PRORP: variants seen among roughly 807,000 people sequenced by gnomAD.
PRORP encodes the protein mitochondrial ribonuclease P catalytic subunit.
Under a neutral mutation model 59.4 loss-of-function variants are expected in PRORP, and 51 were observed. The ratio of observed to expected loss-of-function variants is 0.86; its 90% confidence interval spans 0.69 to 1.08. The LOEUF is 1.08. Ranked by LOEUF, PRORP falls within the 50% of genes least tolerant of loss-of-function variation. PRORP has a pLI of 0.00. For missense variants in PRORP, 646 were observed against 690.3 expected, an observed-to-expected ratio of 0.94 and a Z score of 0.72; for synonymous variants, 231 against 245.6, an observed-to-expected ratio of 0.94 and a Z score of 0.55.
intron 4 of PRORP, 132 bp from the exon 5 acceptor site, chr14:35,180,538 G>C: frequency 1.6e-6 from 1 of 608,254 alleles, no homozygotes; most frequent in South Asian, 2.0e-5. Flanking sequence ...GTGTGTGTGT[G>C]TGTGTGTGTG....
At chr14:35,152,664 A>G (rs910018968) in intron 4 of PRORP, among the ~76,000 whole-genome samples, 9 of 150,120 alleles carry the variant, frequency 6.0e-5, no homozygotes, top group African/African-American at 2.2e-4. Context: ...GACGCTCCTC[A>G]CTTCCCAGAC....
At chr14:35,185,285 C>CT (rs1309008239) in intron 5 of PRORP, among the ~76,000 whole-genome samples, 2 of 152,056 alleles carry the variant, frequency 1.3e-5, no homozygotes, top group Non-Finnish European at 2.9e-5. Flanking sequence ...TGATATTGAG[C>CT]TTTTTTTCAT....
intron 5 of PRORP, among the ~76,000 whole-genome samples, chr14:35,225,796 C>T (rs2049918898): frequency 6.6e-6 from 1 of 151,930 alleles, no homozygotes; most frequent in South Asian, 2.1e-4. Flanking sequence ...CCTGTAAGCC[C>T]AGCACTTTGT....
chr14:35,185,280 T>C (rs1248925448), intron 5 of PRORP, among the ~76,000 whole-genome samples: 2 of 152,210 alleles, frequency 1.3e-5, no homozygotes. Flanking sequence ...ATCAGTGATA[T>C]TGAGCTTTTT....
At chr14:35,204,808 C>T (rs1426083501) in intron 5 of PRORP, among the ~76,000 whole-genome samples, 1 of 152,142 alleles carries the variant, frequency 6.6e-6, no homozygotes, top group Non-Finnish European at 1.5e-5. Flanking sequence ...AATATTAAGC[C>T]TTTATGGTAT....
In PRORP at chr14:35,131,860, A is replaced by T. The variant is rs77746491; in HGVS notation, c.1167+4249A>T. ...TCCTTTCTTTTTTTCTTTTTTTGAG[A>T]AGAAATCTCACTCTTGTCCCCTAGG... On this transcript the variant is annotated intron_variant, in intron 4 of 7. Coordinates refer to ENST00000534898, the MANE Select transcript of PRORP (RefSeq NM_014672.4). Among the ~76,000 whole-genome samples, 134 of 140,060 alleles carry T rather than the reference A, an allele frequency of 9.6e-4. 1 individual carries two copies. The highest frequency in any genetic ancestry group is 3.5e-3 in the African/African-American group (131 of 37,260). The allele number at this position is 140,060 out of a possible 152,430, so 91.9% of individuals were successfully genotyped here. A position where few individuals can be genotyped will look rare whatever the true frequency, so the allele number is the denominator to read the frequency against.
intron 4 of PRORP, among the ~76,000 whole-genome samples, chr14:35,168,116 C>A (rs1184674977): frequency 6.6e-6 from 1 of 152,118 alleles, no homozygotes; most frequent in Non-Finnish European, 1.5e-5. Flanking sequence ...TTTCTTACTT[C>A]TTCTGTGAAT....
At chr14:35,217,261 G>A (rs1029093842) in intron 5 of PRORP, among the ~76,000 whole-genome samples, 1 of 152,056 alleles carries the variant, frequency 6.6e-6, no homozygotes, top group African/African-American at 2.4e-5. Flanking sequence ...AGCACTTTGG[G>A]AGGCCAAGGT....
intron 5 of PRORP, among the ~76,000 whole-genome samples, chr14:35,241,193 C>T (rs1277612022): frequency 6.6e-6 from 1 of 152,116 alleles, no homozygotes; most frequent in Non-Finnish European, 1.5e-5. Context: ...GCCTGGCCAA[C>T]ATGGTGAAAC....
At chr14:35,272,659 TG>T (rs1255396339) in intron 7 of PRORP, among the ~76,000 whole-genome samples, 1 of 152,148 alleles carries the variant, frequency 6.6e-6, no homozygotes, top group African/African-American at 2.4e-5. Flanking sequence ...ATATCTGAGA[TG>T]GGAGGGCAGC....
intron 5 of PRORP, among the ~76,000 whole-genome samples, chr14:35,202,552 G>A (rs1161525793): frequency 6.6e-6 from 1 of 152,158 alleles, no homozygotes; most frequent in African/African-American, 2.4e-5. Context: ...TAAGCAATTA[G>A]TATAAACTTA....
intron 5 of PRORP, among the ~76,000 whole-genome samples, chr14:35,199,825 T>C (rs2049101927): frequency 6.6e-6 from 1 of 152,238 alleles, no homozygotes; most frequent in Non-Finnish European, 1.5e-5. Flanking sequence ...ACCTAGACTA[T>C]AAATAAGTAG....
At chr14:35,152,085 C>T (rs7143518) in intron 4 of PRORP, among the ~76,000 whole-genome samples, 10,700 of 152,100 alleles carry the variant, frequency 0.07, 506 homozygotes, top group Non-Finnish European at 0.11. Context: ...TGCGGCCCTC[C>T]GCAGTGTCTG....
chr14:35,263,720 C>T (rs982141440), intron 5 of PRORP, among the ~76,000 whole-genome samples: 1 of 152,044 alleles, frequency 6.6e-6, no homozygotes, highest in Admixed American at 6.6e-5. Flanking sequence ...TTGGGTACTC[C>T]GTTACTAAAG....
chr14:35,164,046 T>A (rs1425081942), intron 4 of PRORP, among the ~76,000 whole-genome samples: 1 of 152,214 alleles, frequency 6.6e-6, no homozygotes, highest in Non-Finnish European at 1.5e-5. Context: ...CCATTGCTTG[T>A]TTTTGTTGGC....
At chr14:35,238,886 T>C (rs2050287502) in intron 5 of PRORP, among the ~76,000 whole-genome samples, 1 of 152,228 alleles carries the variant, frequency 6.6e-6, no homozygotes, top group Non-Finnish European at 1.5e-5. Flanking sequence ...ATTGTGCTTT[T>C]ACAGCCTAAC....
At chr14:35,225,980 G>C (rs1186312570) in intron 5 of PRORP, among the ~76,000 whole-genome samples, 1 of 152,174 alleles carries the variant, frequency 6.6e-6, no homozygotes, top group Non-Finnish European at 1.5e-5. Flanking sequence ...GTAACTCTAA[G>C]TTTTCACTAG....
chr14:35,225,082 C>A (rs1016248426), intron 5 of PRORP, among the ~76,000 whole-genome samples: 3 of 152,092 alleles, frequency 2.0e-5, no homozygotes, highest in Non-Finnish European at 2.9e-5. Flanking sequence ...AAATTTTTTT[C>A]CATGTTTGCA....
chr14:35,235,228 G>A, intron 5 of PRORP: 1 of 725,200 alleles, frequency 1.4e-6, no homozygotes, highest in South Asian at 1.3e-5. Context: ...GCTTGGTGAT[G>A]CGAGCCACAG....
Sources: allele counts gnomAD v4.1 joint callset (sites outside exome capture counted in the v4.1 genomes callset), GRCh38; gene constraint gnomAD v4.1.1; transcripts MANE v1.5; gene names NCBI Gene and HGNC (gene_info 2026-07-23, HGNC 2026-07-21).